RASA3: variants seen among roughly 807,000 people sequenced by gnomAD.
RASA3 encodes the protein RAS p21 protein activator 3.
A neutral mutation model predicts 110.0 loss-of-function variants in RASA3; 73 were observed. The observed-to-expected ratio is 0.66, with a 90% CI of 0.55 to 0.81. The LOEUF (loss-of-function observed/expected upper bound fraction) is 0.81. RASA3 is among the 30% of genes least tolerant of loss of function. The pLI, the probability that RASA3 is intolerant of heterozygous loss-of-function variation, is 0.00. For synonymous variants in RASA3, 500 were observed against 451.4 expected, an observed-to-expected ratio of 1.11 and a Z score of -1.37; for missense variants, 976 against 1,113.2, an observed-to-expected ratio of 0.88 and a Z score of 1.75.
rs527722979 is a variant in RASA3 at position 114,056,063 on chromosome 13, C to T, written c.174-3908G>A. Among the ~76,000 whole-genome samples, 1 of 152,330 alleles carries T rather than the reference C, an allele frequency of 6.6e-6. No individual in the cohort carries two copies. Among genetic ancestry groups the T allele is most frequent in the South Asian group, 2.1e-4 (1 of 4,828 alleles). Reference sequence around the variant, plus strand: ...GAGCAACCCAGGCCTCGGGGTTCACCTGGCGCGTCACCGTTTCCCGAGAGC... The same window carrying T: ...GAGCAACCCAGGCCTCGGGGTTCACTTGGCGCGTCACCGTTTCCCGAGAGC... On this transcript the variant is annotated intron_variant, in intron 2 of 23. Coordinates refer to ENST00000334062, the MANE Select transcript of RASA3 (RefSeq NM_007368.4). The surrounding 1 kb of genome is among the most constrained non-coding windows in gnomAD (Gnocchi z 5.7).
At chr13:114,100,932 T>G (rs1451771886) in intron 1 of RASA3, among the ~76,000 whole-genome samples, 3 of 152,230 alleles carry the variant, frequency 2.0e-5, no homozygotes, top group Non-Finnish European at 2.9e-5. Flanking sequence ...AGAAATTGCT[T>G]ATTTTTAGAA....
intron 12 of RASA3, 105 bp downstream of exon 12, chr13:114,017,132 T>C: frequency 1.9e-6 from 2 of 1,062,322 alleles, no homozygotes; most frequent in Non-Finnish European, 2.9e-6. Context: ...GGGGCCGACA[T>C]TCAAGCCCAG....
chr13:114,041,073 T>C lies in RASA3; in HGVS notation c.299A>G (p.Glu100Gly). ...CCTGTTGTGGTACTTCTGCAAGTCC[T>C]CCTTCTGGATGGCCACCTTCCCTGC... ...SIIGKVAIQK[E>G]DLQKYHNRDT... The change falls in exon 4 of 24, where the codon GAG (glutamate) becomes GGG (glycine). Residue 100 changes from glutamate to glycine, a missense_variant. Glu to Gly is a moderately conservative substitution (Grantham distance 98, BLOSUM62 -2). Around this residue, in one of 4 missense-constraint regions of RASA3, gnomAD observed 732 missense variants for 779.7 expected, o/e 0.94. Transcript: ENST00000334062. 3 of 1,613,814 alleles carry C rather than the reference T, an allele frequency of 1.9e-6. No individual in the cohort carries two copies. Among genetic ancestry groups the C allele is most frequent in the East Asian group, 2.2e-5 (1 of 44,880 alleles).
intron 1 of RASA3, among the ~76,000 whole-genome samples, chr13:114,120,775 T>C (rs567757423): frequency 7.9e-5 from 12 of 152,342 alleles, no homozygotes; most frequent in African/African-American, 2.9e-4. Context: ...TCAAACACTC[T>C]CTTCTCCTGA....
Position 114,128,822 on chromosome 13 carries a change from G to C in RASA3, c.55+3613C>G, listed in dbSNP as rs931094807. 5.9e-5 allele frequency among the ~76,000 whole-genome samples: 9 copies of C among 152,364 alleles called. No homozygotes were observed. The East Asian group carries it at 1.4e-3, about 23-fold the overall frequency. On this transcript the variant is annotated intron_variant, in intron 1 of 23. Coordinates refer to ENST00000334062, the MANE Select transcript of RASA3 (RefSeq NM_007368.4). The stretch of plus-strand genomic sequence containing the variant: ...AAGCCCCAGCGGGGAGCCCACGGCA[G>C]GCCCGGCCTCCCACGGACGGCATTC...
In RASA3 at chr13:113,980,236, GCCT is replaced by G. The variant is rs1242972110; in HGVS notation, c.2430-817_2430-815del. Among the ~76,000 whole-genome samples the G allele has an allele frequency of 6.6e-4, 90 of 135,940 alleles. 1 individual carries two copies. Among genetic ancestry groups the G allele is most frequent in the African/African-American group, 1.3e-3 (45 of 34,322 alleles). The allele number at this position is 135,940 out of a possible 152,430, so 89.2% of individuals were successfully genotyped here. A position where few individuals can be genotyped will look rare whatever the true frequency, so the allele number is the denominator to read the frequency against. On this transcript the variant is annotated intron_variant, in intron 23 of 23. Coordinates refer to ENST00000334062, the MANE Select transcript of RASA3 (RefSeq NM_007368.4). ...TGTGTGTGCACCTCCTGCTGTGTGC[GCCT>G]CCTCCATGTGTGCCTTCTCCCACAT...
chr13:114,030,454 G>A (rs111378753), intron 4 of RASA3, among the ~76,000 whole-genome samples: 24,959 of 110,968 alleles, frequency 0.22, 2,666 homozygotes, highest in Non-Finnish European at 0.25. Context: ...AGAGGGCAAG[G>A]CTCACACAGA....
rs563148505 is a variant in RASA3 at position 113,981,562 on chromosome 13, C to T, written c.2429+113G>A. 333 of 1,203,790 alleles carry T rather than the reference C, an allele frequency of 2.8e-4. No homozygotes were observed. In the African/African-American group the frequency reaches 4.4e-3, roughly 16 times the overall value. 74.6% of individuals were successfully genotyped at this position (1,203,790 alleles called of 1,614,324 possible). ...GTGCAAGTGGGACTCTCCTCCCAGGCGGACACCTGAGCACGGGCGGCCCCA... is the reference window on the plus strand; with the variant it reads ...GTGCAAGTGGGACTCTCCTCCCAGGTGGACACCTGAGCACGGGCGGCCCCA... On this transcript the variant is annotated intron_variant, in intron 23 of 23. Coordinates refer to ENST00000334062, the MANE Select transcript of RASA3 (RefSeq NM_007368.4).
intron 3 of RASA3, among the ~76,000 whole-genome samples, 174 bp from the exon 4 acceptor site, chr13:114,041,268 G>A (rs542617646): frequency 6.6e-6 from 1 of 152,264 alleles, no homozygotes; most frequent in Non-Finnish European, 1.5e-5. Context: ...GGAGGCCCAG[G>A]GGGGAGGGTC....
intron 1 of RASA3, among the ~76,000 whole-genome samples, chr13:114,110,593 C>T (rs915545980): frequency 2.6e-5 from 4 of 152,190 alleles, no homozygotes; most frequent in Admixed American, 2.0e-4. Flanking sequence ...CAGCGTGAGC[C>T]GGCAAAGCAC....
intron 2 of RASA3, among the ~76,000 whole-genome samples, chr13:114,053,178 C>T (rs2079181137): frequency 6.6e-6 from 1 of 152,186 alleles, no homozygotes; most frequent in Non-Finnish European, 1.5e-5. Flanking sequence ...GCCGCCCTAG[C>T]TCCTGGGGGA....
At chr13:114,013,952 G>C (rs9562178) in intron 14 of RASA3, among the ~76,000 whole-genome samples, 19 of 108,208 alleles carry the variant, frequency 1.8e-4, no homozygotes, top group South Asian at 3.3e-4. Flanking sequence ...CTATCTCTCT[G>C]TCTCTCTCTC....
At chr13:114,041,963 C>T (rs1317050629) in intron 3 of RASA3, among the ~76,000 whole-genome samples, 2 of 152,230 alleles carry the variant, frequency 1.3e-5, no homozygotes, top group Non-Finnish European at 2.9e-5. Flanking sequence ...GCCCCAAAGT[C>T]TGGGAACGTC....
intron 4 of RASA3, among the ~76,000 whole-genome samples, chr13:114,037,220 C>T (rs1235912238): frequency 1.3e-5 from 2 of 152,188 alleles, no homozygotes; most frequent in Non-Finnish European, 2.9e-5. Context: ...GAGTCCTGAT[C>T]GTCATGGTGG....
intron 3 of RASA3, among the ~76,000 whole-genome samples, chr13:114,044,610 C>T (rs2079022477): frequency 7.1e-6 from 1 of 141,316 alleles, no homozygotes; most frequent in South Asian, 2.4e-4. Flanking sequence ...CTGTCCTCTC[C>T]TCTGACGACC....
chr13:114,027,316 T>C, intron 7 of RASA3, 73 bp downstream of exon 7: 2 of 1,269,520 alleles, frequency 1.6e-6, no homozygotes, highest in South Asian at 1.2e-5. Flanking sequence ...GAGATCATTC[T>C]GGATCCAGAC....
chr13:114,003,633 G>A (rs527445043), intron 18 of RASA3, among the ~76,000 whole-genome samples: 66 of 150,822 alleles, frequency 4.4e-4, no homozygotes, highest in African/African-American at 1.5e-3. Flanking sequence ...GCTGTTGGAC[G>A]TGCCCACAGG....
rs1414236543 is a variant in RASA3, at chr13:114,030,409, GA to G, written c.373-523del. On this transcript the variant is annotated intron_variant, in intron 4 of 23. Transcript: ENST00000334062. ...TCACACAGGAGGCAAGACTCACGCA[GA>G]GAGCAAGACTCACACAGAGGGCAAG... Among the ~76,000 whole-genome samples the G allele has an allele frequency of 3.1e-3, 228 of 74,514 alleles. 3 individuals carry two copies. The highest frequency in any genetic ancestry group is 0.01 in the Middle Eastern group (1 of 100). The allele number at this position is 74,514 out of a possible 152,430, so 48.9% of individuals were successfully genotyped here. A position where few individuals can be genotyped will look rare whatever the true frequency, so the allele number is the denominator to read the frequency against.
At chr13:114,131,548 C>A (rs1054492088) in intron 1 of RASA3, among the ~76,000 whole-genome samples, 2 of 152,180 alleles carry the variant, frequency 1.3e-5, no homozygotes, top group African/African-American at 2.4e-5. Context: ...CCTCCGGGAG[C>A]CCACTTCAGA....
Sources: allele counts gnomAD v4.1 joint callset (sites outside exome capture counted in the v4.1 genomes callset), GRCh38; gene constraint gnomAD v4.1.1; regional missense constraint gnomAD v4.1.1; non-coding constraint Gnocchi (gnomAD v3.1); transcripts MANE v1.5; gene names NCBI Gene and HGNC (gene_info 2026-07-23, HGNC 2026-07-21).